BTBD7: variants seen among roughly 807,000 people sequenced by gnomAD.
The protein encoded by BTBD7 is BTB domain containing 7.
BTBD7 carries 38 observed loss-of-function variants against 99.9 expected under a neutral mutation model. The observed-to-expected ratio is 0.38, with a 90% CI of 0.29 to 0.50. BTBD7 has a LOEUF of 0.50. BTBD7 is among the 20% of genes least tolerant of loss of function. The pLI is 0.93. For synonymous variants in BTBD7, 520 were observed against 511.4 expected, an observed-to-expected ratio of 1.02 and a Z score of -0.23; for missense variants, 1,170 against 1,394.6, an observed-to-expected ratio of 0.84 and a Z score of 2.57.
chr14:93,297,258 T>C (rs2052940176), intron 1 of BTBD7, among the ~76,000 whole-genome samples: 2 of 152,358 alleles, frequency 1.3e-5, no homozygotes, highest in South Asian at 4.1e-4. Context: ...ACCTTATGAA[T>C]TCATGTTTAA....
intron 1 of BTBD7, among the ~76,000 whole-genome samples, chr14:93,315,317 C>G (rs140105277): frequency 3.8e-4 from 58 of 152,180 alleles, no homozygotes; most frequent in African/African-American, 1.3e-3. Flanking sequence ...TTATTAAGTC[C>G]TAAGTATTAA....
At chr14:93,249,439 C>T (rs2139682161) in intron 8 of BTBD7, among the ~76,000 whole-genome samples, 1 of 152,174 alleles carries the variant, frequency 6.6e-6, no homozygotes, top group East Asian at 1.9e-4. Context: ...ACTGGCAGAT[C>T]ATGGATAAAG....
Position 93,239,618 on chromosome 14 carries a change from T to C in BTBD7, c.*2655A>G, listed in dbSNP as rs2052199013. ...ATTAAAAGTCCACTAACACCTAACC[T>C]AACGCACACAAAACCCACGCCTGTT... On this transcript the variant is annotated 3_prime_UTR_variant, in exon 11 of 11. Coordinates refer to ENST00000334746, the MANE Select transcript of BTBD7 (RefSeq NM_001002860.4). 1 of 152,426 alleles carries C rather than the reference T, an allele frequency of 6.6e-6. No homozygotes were observed. Among genetic ancestry groups the C allele is most frequent in the Non-Finnish European group, 1.5e-5 (1 of 68,022 alleles). 9.4% of individuals were successfully genotyped at this position (152,426 alleles called of 1,614,324 possible). A position where few individuals can be genotyped will look rare whatever the true frequency, so the allele number is the denominator to read the frequency against.
intron 1 of BTBD7, among the ~76,000 whole-genome samples, chr14:93,327,526 C>A (rs2053347210): frequency 6.6e-6 from 1 of 152,216 alleles, no homozygotes; most frequent in South Asian, 2.1e-4. Context: ...GATTCTCTCA[C>A]TCACCAGGCT....
At chr14:93,330,659 C>T (rs906224555) in intron 1 of BTBD7, among the ~76,000 whole-genome samples, 15 of 152,158 alleles carry the variant, frequency 9.9e-5, no homozygotes, top group Non-Finnish European at 2.2e-4. Context: ...TGTTTCTTTC[C>T]TTTCTTCCAC....
rs916969554 is a variant in BTBD7, at chr14:93,331,888, C to CCCT, written c.-107+931_-107+932insAGG. On this transcript the variant is annotated intron_variant, in intron 1 of 10. Coordinates refer to ENST00000334746, the MANE Select transcript of BTBD7 (RefSeq NM_001002860.4). ...AGAGCGAGACTCCGTCTCCCCCCCC[C>CCCT]CAAAAAGGTTGTTAGTTGAAAAAGC... is the stretch of plus-strand genomic sequence containing the variant. 1.4e-5 allele frequency among the ~76,000 whole-genome samples: 2 copies of CCCT among 147,904 alleles called. 1 individual carries two copies. Among genetic ancestry groups the CCCT allele is most frequent in the African/African-American group, 5.3e-5 (2 of 37,820 alleles).
chr14:93,323,768 T>C (rs912313048), intron 1 of BTBD7, among the ~76,000 whole-genome samples: 5 of 152,222 alleles, frequency 3.3e-5, no homozygotes, highest in African/African-American at 1.2e-4. Flanking sequence ...GGTTTTTCCA[T>C]TTTTACTTTA....
chr14:93,267,402 G>C (rs1738532008), intron 3 of BTBD7, among the ~76,000 whole-genome samples: 1 of 152,172 alleles, frequency 6.6e-6, no homozygotes, highest in Non-Finnish European at 1.5e-5. Context: ...CTACCTCACA[G>C]GGTTGTTATG....
intron 1 of BTBD7, among the ~76,000 whole-genome samples, chr14:93,298,479 G>C (rs974588123): frequency 6.6e-6 from 1 of 152,084 alleles, no homozygotes; most frequent in Non-Finnish European, 1.5e-5. Flanking sequence ...ATTACCTTCA[G>C]GCTATGTGTA....
chr14:93,253,505 A>T, intron 7 of BTBD7, 142 bp downstream of exon 7: 2 of 641,918 alleles, frequency 3.1e-6, no homozygotes, highest in East Asian at 3.0e-5. Context: ...TCTGTTGAGT[A>T]GTCAAACTAG....
chr14:93,241,431 G>GT lies in BTBD7; in HGVS notation c.*841dup, dbSNP rs2052228038. On this transcript the variant is annotated 3_prime_UTR_variant, in exon 11 of 11. Coordinates refer to ENST00000334746, the MANE Select transcript of BTBD7 (RefSeq NM_001002860.4). The stretch of plus-strand genomic sequence containing the variant: ...GCCTTCCGAAGTGCCGATCACAGGT[G>GT]TGAGTCACTGCGCCCGGTCTCCACT... 1 of 152,490 alleles carries GT rather than the reference G, an allele frequency of 6.6e-6. No homozygotes were observed. Among genetic ancestry groups the GT allele is most frequent in the Non-Finnish European group, 1.5e-5 (1 of 68,310 alleles). 9.4% of individuals were successfully genotyped at this position (152,490 alleles called of 1,614,324 possible). A position where few individuals can be genotyped will look rare whatever the true frequency, so the allele number is the denominator to read the frequency against.
chr14:93,318,090 G>C (rs547610458), intron 1 of BTBD7, among the ~76,000 whole-genome samples: 2 of 152,172 alleles, frequency 1.3e-5, no homozygotes, highest in Admixed American at 1.3e-4. Flanking sequence ...ACTATATGTT[G>C]AGTTCTGTGC....
chr14:93,238,548 A>T lies in BTBD7; in HGVS notation c.*3725T>A, dbSNP rs2052186365. 6.6e-6 allele frequency: 1 copy of T among 152,600 alleles called. No homozygotes were observed. Among genetic ancestry groups the T allele is most frequent in the Non-Finnish European group, 1.5e-5 (1 of 68,048 alleles). The allele number at this position is 152,600 out of a possible 1,614,324, so 9.5% of individuals were successfully genotyped here. A position where few individuals can be genotyped will look rare whatever the true frequency, so the allele number is the denominator to read the frequency against. ...GAAAGTCAACCGAACAATGAAAAAA[A>T]GTCAAAGAAGCATTTCCCTTTGAAT... On this transcript the variant is annotated 3_prime_UTR_variant, in exon 11 of 11. Coordinates refer to ENST00000334746, the MANE Select transcript of BTBD7 (RefSeq NM_001002860.4).
chr14:93,286,669 G>A (rs2052781490), intron 3 of BTBD7, among the ~76,000 whole-genome samples: 1 of 152,142 alleles, frequency 6.6e-6, no homozygotes, highest in South Asian at 2.1e-4. Flanking sequence ...AAATTCCTGA[G>A]CCTAGAGTCA....
intron 3 of BTBD7, among the ~76,000 whole-genome samples, chr14:93,282,383 T>G (rs2052731109): frequency 6.7e-6 from 1 of 150,294 alleles, no homozygotes; most frequent in Admixed American, 6.8e-5. Flanking sequence ...CAGGCTGGAG[T>G]GCAGTGGTGC....
At chr14:93,303,722 C>T (rs2053033251) in intron 1 of BTBD7, among the ~76,000 whole-genome samples, 1 of 152,224 alleles carries the variant, frequency 6.6e-6, no homozygotes, top group Non-Finnish European at 1.5e-5. Context: ...ACTCTGCCAC[C>T]TTTACCCTCA....
chr14:93,242,705 C>T lies in BTBD7; in HGVS notation c.2967G>A (p.Lys989=). ...SHNKASPSGL[K]SAYLPGQTSP... Reference sequence around the variant, plus strand: ...ACGTCTGACCAGGTAGGTAGGCTGACTTTAAGCCACTTGGTGATGCCTTAT... The same window carrying T: ...ACGTCTGACCAGGTAGGTAGGCTGATTTTAAGCCACTTGGTGATGCCTTAT... The change falls in exon 11 of 11, where the codon AAG becomes AAA. Residue 989 remains lysine (K), a synonymous_variant. Coordinates refer to ENST00000334746, the MANE Select transcript of BTBD7 (RefSeq NM_001002860.4). The T allele has an allele frequency of 6.2e-7, 1 of 1,614,180 alleles. No homozygotes were observed. Among genetic ancestry groups the T allele is most frequent in the Non-Finnish European group, 8.5e-7 (1 of 1,180,032 alleles).
At chr14:93,307,014 C>T (rs1439644830) in intron 1 of BTBD7, among the ~76,000 whole-genome samples, 1 of 152,104 alleles carries the variant, frequency 6.6e-6, no homozygotes, top group East Asian at 1.9e-4. Context: ...AAGGTTATGT[C>T]TTCTATGTAG....
At chr14:93,308,287 CA>C (rs869127588) in intron 1 of BTBD7, among the ~76,000 whole-genome samples, 225 of 74,938 alleles carry the variant, frequency 3.0e-3, no homozygotes, top group African/African-American at 7.2e-3. Context: ...ACTCGGTCTC[CA>C]AAAAAAAAAA....
Sources: allele counts gnomAD v4.1 joint callset (sites outside exome capture counted in the v4.1 genomes callset), GRCh38; gene constraint gnomAD v4.1.1; transcripts MANE v1.5; gene names NCBI Gene and HGNC (gene_info 2026-07-23, HGNC 2026-07-21).